CNTNAP2: variants seen among roughly 807,000 people sequenced by gnomAD.
The protein encoded by CNTNAP2 is contactin associated protein 2, also known as contactin-associated protein-like 2.
CNTNAP2 carries 98 observed loss-of-function variants against 155.2 expected under a neutral mutation model. That is an observed-to-expected ratio of 0.63 (90% confidence interval 0.54 to 0.75). The LOEUF (loss-of-function observed/expected upper bound fraction) is 0.75. Ranked by LOEUF, CNTNAP2 falls within the 30% of genes least tolerant of loss-of-function variation. The pLI, the probability that CNTNAP2 is intolerant of heterozygous loss-of-function variation, is 0.00. For synonymous variants in CNTNAP2, 651 were observed against 631.2 expected (o/e 1.03, Z -0.47); for missense variants, 1,727 against 1,688.1 (o/e 1.02, Z -0.40).
rs780296451 is a variant in CNTNAP2 at position 148,383,643 on chromosome 7, T to G, written c.3476-6T>G. The G allele has an allele frequency of 6.2e-7, 1 of 1,614,210 alleles. No homozygotes were observed. The highest frequency in any genetic ancestry group is 8.5e-7 in the Non-Finnish European group (1 of 1,180,040). ...AGTAACATTTTCATTTCTTTTTTTC[T>G]TTTAGAAACAGGGAAAATTGACCAA... On this transcript the variant is annotated splice_polypyrimidine_tract_variant and splice_region_variant and intron_variant, in intron 21 of 23. Transcript: ENST00000361727.
intron 15 of CNTNAP2, among the ~76,000 whole-genome samples, chr7:148,026,310 G>A (rs1802374768): frequency 6.6e-6 from 1 of 151,660 alleles, no homozygotes; most frequent in African/African-American, 2.4e-5. Context: ...TTTTAAATTA[G>A]TGTGATGGTG....
chr7:146,332,007 C>A (rs944259796), intron 1 of CNTNAP2, among the ~76,000 whole-genome samples: 2 of 151,892 alleles, frequency 1.3e-5, no homozygotes, highest in South Asian at 4.2e-4. Flanking sequence ...TTATTTATTA[C>A]CACGTACATA....
intron 15 of CNTNAP2, among the ~76,000 whole-genome samples, chr7:148,117,185 G>T (rs1422306807): frequency 6.6e-6 from 1 of 152,206 alleles, no homozygotes; most frequent in South Asian, 2.1e-4. Context: ...GGCAATGAGT[G>T]GGGAGAGGCA....
intron 1 of CNTNAP2, among the ~76,000 whole-genome samples, chr7:146,721,015 C>T (rs1012058020): frequency 2.0e-5 from 2 of 101,686 alleles, no homozygotes; most frequent in Non-Finnish European, 3.4e-5. Context: ...TATATATACT[C>T]TATATATTAT....
At chr7:148,043,587 T>C (rs1802716614) in intron 15 of CNTNAP2, among the ~76,000 whole-genome samples, 2 of 152,250 alleles carry the variant, frequency 1.3e-5, no homozygotes, top group Non-Finnish European at 2.9e-5. Flanking sequence ...GTTAAAAGAC[T>C]AGTTCTAGTT....
chr7:146,654,045 T>C (rs910701418), intron 1 of CNTNAP2, among the ~76,000 whole-genome samples: 1 of 152,052 alleles, frequency 6.6e-6, no homozygotes, highest in Non-Finnish European at 1.5e-5. Context: ...ACATATTCCA[T>C]AGAAACTGGG....
chr7:146,529,835 C>A (rs546770873), intron 1 of CNTNAP2, among the ~76,000 whole-genome samples: 1 of 152,058 alleles, frequency 6.6e-6, no homozygotes, highest in East Asian at 1.9e-4. Flanking sequence ...CATAGTAGCA[C>A]GTGCCTGTAA....
At chr7:148,017,520 A>T (rs1585079719) in intron 15 of CNTNAP2, among the ~76,000 whole-genome samples, 1 of 152,228 alleles carries the variant, frequency 6.6e-6, no homozygotes, top group East Asian at 1.9e-4. Flanking sequence ...ATGAAATCTT[A>T]GCTTGGTTTA....
At chr7:146,901,490 A>G (rs1795999585) in intron 3 of CNTNAP2, among the ~76,000 whole-genome samples, 2 of 152,244 alleles carry the variant, frequency 1.3e-5, no homozygotes, top group South Asian at 4.1e-4. Context: ...TAAATAATGG[A>G]ACATGCAATA....
At chr7:148,337,015 A>G (rs1052756911) in intron 21 of CNTNAP2, among the ~76,000 whole-genome samples, 1 of 110,710 alleles carries the variant, frequency 9.0e-6, no homozygotes, top group South Asian at 2.6e-4. Context: ...GAAATTAGGC[A>G]ACATATATAG....
chr7:147,224,847 A>C (rs1021210713), intron 8 of CNTNAP2, among the ~76,000 whole-genome samples: 2 of 152,138 alleles, frequency 1.3e-5, no homozygotes, highest in Non-Finnish European at 2.9e-5. Flanking sequence ...GAAACATATT[A>C]ATTATTCCTG....
intron 13 of CNTNAP2, among the ~76,000 whole-genome samples, chr7:147,661,763 G>A (rs538034207): frequency 6.6e-6 from 1 of 152,152 alleles, no homozygotes; most frequent in East Asian, 1.9e-4. Flanking sequence ...ATGTTGGTCA[G>A]GCTGTTCTTG....
intron 12 of CNTNAP2, among the ~76,000 whole-genome samples, chr7:147,626,538 C>T (rs115948470): frequency 0.02 from 3,095 of 152,190 alleles, 111 homozygotes; most frequent in African/African-American, 0.07. Context: ...GATTTCTTTA[C>T]CCACCCTAGT....
intron 1 of CNTNAP2, among the ~76,000 whole-genome samples, chr7:146,555,217 G>C (rs1798179476): frequency 6.6e-6 from 1 of 152,118 alleles, no homozygotes; most frequent in Non-Finnish European, 1.5e-5. Flanking sequence ...TAAAGATGCA[G>C]TGTGACAACT....
intron 13 of CNTNAP2, among the ~76,000 whole-genome samples, chr7:147,703,655 CAG>C (rs1232601943): frequency 6.6e-6 from 1 of 152,106 alleles, no homozygotes; most frequent in African/African-American, 2.4e-5. Flanking sequence ...ATGATCAAGT[CAG>C]AGTATTTAGG....
At chr7:146,790,770 C>T (rs554548273) in intron 2 of CNTNAP2, among the ~76,000 whole-genome samples, 13 of 151,964 alleles carry the variant, frequency 8.6e-5, no homozygotes, top group South Asian at 2.1e-4. Flanking sequence ...AGGGTTTCAC[C>T]GTGTTAGCCA....
chr7:147,979,284 T>A (rs577816696), intron 15 of CNTNAP2, among the ~76,000 whole-genome samples: 1 of 132,048 alleles, frequency 7.6e-6, no homozygotes, highest in East Asian at 2.9e-4. Flanking sequence ...TTAGTCAGGC[T>A]TAGTAAAACT....
intron 1 of CNTNAP2, among the ~76,000 whole-genome samples, chr7:146,744,452 C>T (rs1039725480): frequency 6.6e-6 from 1 of 152,124 alleles, no homozygotes; most frequent in Non-Finnish European, 1.5e-5. Context: ...GGCTCACTCA[C>T]TTCTGCTTCT....
chr7:148,386,798 T>TATTTATATGCA (rs1483965320), intron 22 of CNTNAP2, among the ~76,000 whole-genome samples: 1 of 152,104 alleles, frequency 6.6e-6, no homozygotes. Flanking sequence ...AGGGGGACCT[T>TATTTATATGCA]ATTTATATGC....
Sources: allele counts gnomAD v4.1 joint callset (sites outside exome capture counted in the v4.1 genomes callset), GRCh38; gene constraint gnomAD v4.1.1; transcripts MANE v1.5; gene names NCBI Gene and HGNC (gene_info 2026-07-23, HGNC 2026-07-21).